The following AKAP17A variants were observed in gnomAD, a reference collection of about 807,000 sequenced individuals.
AKAP17A encodes A-kinase anchor protein 17A.
Under a neutral mutation model 52.2 loss-of-function variants are expected in AKAP17A, and 15 were observed. The observed-to-expected ratio is 0.29, with a 90% CI of 0.19 to 0.44. The LOEUF (loss-of-function observed/expected upper bound fraction) is 0.44, where lower values mean the gene tolerates loss of function less well. AKAP17A is among the 20% of genes least tolerant of loss of function. The pLI, the probability that AKAP17A is intolerant of heterozygous loss-of-function variation, is 1.00. For missense variants in AKAP17A, 1,060 were observed against 1,007.0 expected (o/e 1.05, Z -0.71); for synonymous variants, 514 against 424.7 (o/e 1.21, Z -2.58).
At chrX:1,598,349 T>G (rs1933134591) in intron 3 of AKAP17A, among the ~76,000 whole-genome samples, 1 of 152,160 alleles carries the variant, frequency 6.6e-6, no homozygotes, top group Non-Finnish European at 1.5e-5. Context: ...TCTCCCGGCC[T>G]GCTCCTCCTT....
At position 1,601,963 on chromosome X, in the gene AKAP17A, G is replaced by A. The variant is rs1265207690; in HGVS notation, c.*369G>A. 3.0e-5 allele frequency: 7 copies of A among 236,366 alleles called. No homozygotes were observed. The highest frequency in any genetic ancestry group is 1.1e-4 in the Admixed American group (2 of 17,744). 14.6% of individuals were successfully genotyped at this position (236,366 alleles called of 1,614,324 possible). A position where few individuals can be genotyped will look rare whatever the true frequency, so the allele number is the denominator to read the frequency against. On this transcript the variant is annotated 3_prime_UTR_variant, in exon 5 of 5. Coordinates refer to ENST00000313871, the MANE Select transcript of AKAP17A (RefSeq NM_005088.3). ...TGTGTCTGCTTGGCGACCTCCCTGC[G>A]TGCACGGCCTAGGAGGTGCACGGGC...
Position 1,594,147 on chromosome X carries a change from C to G in AKAP17A, c.685C>G (p.Gln229Glu), listed in dbSNP as rs139029945. The G allele has an allele frequency of 1.4e-5, 22 of 1,610,044 alleles. No individual in the cohort carries two copies. The highest frequency in any genetic ancestry group is 1.4e-5 in the Non-Finnish European group (17 of 1,177,650). Residue 229 changes from glutamine (Q) to glutamate (E), a missense_variant, in exon 2 of 5, where the codon CAG becomes GAG. Around this residue, in one of 2 missense-constraint regions of AKAP17A, gnomAD observed 267 missense variants for 377.1 expected, o/e 0.71. Transcript: ENST00000313871. ...GTACCGCGAGTACATGGGCTTCATC[C>G]AGGCCATGAGCGCCCTGCGCGGGAT... ...VQYREYMGFI[Q>E]AMSALRGMKL...
intron 3 of AKAP17A, among the ~76,000 whole-genome samples, chrX:1,596,019 CT>C (rs1286832964): frequency 6.6e-6 from 1 of 152,084 alleles, no homozygotes; most frequent in Non-Finnish European, 1.5e-5. Context: ...GAATGTTTCT[CT>C]TTTTCTTGTC....
In AKAP17A at chrX:1,601,918, T is replaced by C. The variant is rs1368492950; in HGVS notation, c.*324T>C. 1 of 306,628 alleles carries C rather than the reference T, an allele frequency of 3.3e-6. No individual in the cohort carries two copies. Among genetic ancestry groups the C allele is most frequent in the Non-Finnish European group, 6.0e-6 (1 of 167,032 alleles). 19.0% of individuals were successfully genotyped at this position (306,628 alleles called of 1,614,324 possible). A position where few individuals can be genotyped will look rare whatever the true frequency, so the allele number is the denominator to read the frequency against. ...TCGTGAGGATGGCAGAGCTGCTGCA[T>C]TCCCCCACACGGGGATTTCTGTGTC... On this transcript the variant is annotated 3_prime_UTR_variant, in exon 5 of 5. Transcript: ENST00000313871.
chrX:1,594,701 C>G (rs1160210087), intron 2 of AKAP17A, among the ~76,000 whole-genome samples: 1 of 151,922 alleles, frequency 6.6e-6, no homozygotes, highest in Non-Finnish European at 1.5e-5. Context: ...TCAGTGCATC[C>G]TCCGCCTCCT....
chrX:1,600,272 C>A, intron 4 of AKAP17A: 1 of 1,093,248 alleles, frequency 9.1e-7, no homozygotes. Context: ...CGGTGGCATG[C>A]GTCTGCGGCG....
chrX:1,599,061 T>C, intron 3 of AKAP17A, 131 bp from the exon 4 acceptor site: 1 of 1,421,024 alleles, frequency 7.0e-7, no homozygotes, highest in South Asian at 1.4e-5. Context: ...GAGGTCCACC[T>C]TGGGATAAAG....
Position 1,600,775 on chromosome X carries a change from C to G in AKAP17A, c.1269C>G (p.Arg423=), listed in dbSNP as rs751396392. 6.4e-7 allele frequency: 1 copy of G among 1,573,622 alleles called. No individual in the cohort carries two copies. Among genetic ancestry groups the G allele is most frequent in the Non-Finnish European group, 8.6e-7 (1 of 1,164,750 alleles). ...GGCGCGTGGAGGAGGAGAAGGAGCG[C>G]GCGCTGGGCCTGCAGCGGAAAGAGC... ...ELRRVEEEKE[R]ALGLQRKERE... Residue 423 remains arginine, a synonymous_variant, in exon 5 of 5, where the codon CGC becomes CGG. Transcript: ENST00000313871.
chrX:1,598,399 T>C (rs1306728334), intron 3 of AKAP17A, among the ~76,000 whole-genome samples: 1 of 152,150 alleles, frequency 6.6e-6, no homozygotes, highest in Non-Finnish European at 1.5e-5. Flanking sequence ...TGCGTGGGTC[T>C]GTGTCACCCC....
chrX:1,593,263 C>T (rs1932870153), intron 1 of AKAP17A, among the ~76,000 whole-genome samples, 181 bp from the exon 2 acceptor site: 1 of 152,130 alleles, frequency 6.6e-6, no homozygotes, highest in South Asian at 2.1e-4. Flanking sequence ...TTAATGATTT[C>T]AAAAAGTAAA....
In AKAP17A at chrX:1,600,562, C is replaced by T. The variant is rs55956740; in HGVS notation, c.1153-97C>T. ...AGCCAGGCCGCTGATCCTGCATCCC[C>T]AGACCATGGGGCCTCCAAACACCTT... On this transcript the variant is annotated intron_variant, in intron 4 of 4. Transcript: ENST00000313871. 8,980 of 1,244,688 alleles carry T rather than the reference C, an allele frequency of 7.2e-3. 45 individuals carry two copies. The highest frequency in any genetic ancestry group is 8.9e-3 in the Non-Finnish European group (8,241 of 921,240). 77.1% of individuals were successfully genotyped at this position (1,244,688 alleles called of 1,614,324 possible). A position where few individuals can be genotyped will look rare whatever the true frequency, so the allele number is the denominator to read the frequency against.
At chrX:1,594,651 A>C (rs778342277) in intron 2 of AKAP17A, among the ~76,000 whole-genome samples, 1 of 149,474 alleles carries the variant, frequency 6.7e-6, no homozygotes, top group African/African-American at 2.5e-5. Flanking sequence ...CAGAGTCTCG[A>C]TCTGTTTCCT....
rs760668654 is a variant in AKAP17A, at chrX:1,601,402, C to T, written c.1896C>T (p.Asp632=). The T allele has an allele frequency of 1.4e-5, 22 of 1,561,282 alleles. No homozygotes were observed. The highest frequency in any genetic ancestry group is 2.7e-5 in the African/African-American group (2 of 73,734). ...RPHKKHAYKD[D]SPRRRSTSPD... Reference sequence around the variant, plus strand: ...ACAAGAAGCACGCCTACAAGGATGACAGCCCCCGCCGGCGCAGCACGAGCC... The same window carrying T: ...ACAAGAAGCACGCCTACAAGGATGATAGCCCCCGCCGGCGCAGCACGAGCC... Residue 632 remains aspartate (D), a synonymous_variant, in exon 5 of 5, where the codon GAC becomes GAT. Transcript: ENST00000313871.
rs775248098 is a variant in AKAP17A at position 1,599,208 on chromosome X, G to C, written c.928G>C (p.Glu310Gln). 4.3e-6 allele frequency: 7 copies of C among 1,612,028 alleles called. No individual in the cohort carries two copies. Among genetic ancestry groups the C allele is most frequent in the Non-Finnish European group, 4.2e-6 (5 of 1,179,790 alleles). The change falls in exon 4 of 5, where the codon GAA becomes CAA. Residue 310 changes from glutamate (E) to glutamine (Q), a missense_variant. Coordinates refer to ENST00000313871, the MANE Select transcript of AKAP17A (RefSeq NM_005088.3). ...TCCACACAGGAAACAAAAGGAGCTG[G>C]AAGAGCTGGAGCGAGAGAGGAAAAG... Reference protein sequence around the residue: ...RAEERKQKELEELERERKREE... With the variant: ...RAEERKQKELQELERERKREE...
At position 1,599,181 on chromosome X, in the gene AKAP17A, G is replaced by C. The variant is rs781414568; in HGVS notation, c.912-11G>C. Reference sequence around the variant, plus strand: ...CGCTCTCTGTGACCACCCCCGGTGTGTTCCACACAGGAAACAAAAGGAGCT... The same window carrying C: ...CGCTCTCTGTGACCACCCCCGGTGTCTTCCACACAGGAAACAAAAGGAGCT... On this transcript the variant is annotated splice_polypyrimidine_tract_variant and intron_variant, in intron 3 of 4. Transcript: ENST00000313871. 2 of 1,611,318 alleles carry C rather than the reference G, an allele frequency of 1.2e-6. No homozygotes were observed. The highest frequency in any genetic ancestry group is 3.3e-5 in the Admixed American group (2 of 59,782).
chrX:1,599,677 C>A, intron 4 of AKAP17A: 1 of 667,470 alleles, frequency 1.5e-6, no homozygotes, highest in Non-Finnish European at 2.7e-6. Context: ...GTTCCCCGAG[C>A]AGGCTGGCAG....
chrX:1,595,028 A>T (rs767833632), intron 2 of AKAP17A, among the ~76,000 whole-genome samples: 144 of 152,282 alleles, frequency 9.5e-4, no homozygotes, highest in African/African-American at 3.2e-3. Flanking sequence ...CGGCCTGCTC[A>T]GTGACTGTGG....
chrX:1,595,977 C>T (rs1392765954), intron 3 of AKAP17A, among the ~76,000 whole-genome samples: 5 of 152,092 alleles, frequency 3.3e-5, no homozygotes, highest in Non-Finnish European at 7.4e-5. Flanking sequence ...TGAGGACCTG[C>T]GTGAGTGGCT....
chrX:1,599,896 C>T (rs1933260861), intron 4 of AKAP17A: 6 of 558,682 alleles, frequency 1.1e-5, no homozygotes, highest in South Asian at 1.0e-4. Context: ...CCGGGTCCCT[C>T]CTCCGCAGCG....
Sources: allele counts gnomAD v4.1 joint callset (sites outside exome capture counted in the v4.1 genomes callset), GRCh38; gene constraint gnomAD v4.1.1; regional missense constraint gnomAD v4.1.1; transcripts MANE v1.5; gene names NCBI Gene and HGNC (gene_info 2026-07-23, HGNC 2026-07-21).